Variants in RTKN2 observed in about 807,000 individuals in gnomAD.
The protein encoded by RTKN2 is rhotekin-2.
Under a neutral mutation model 71.5 loss-of-function variants are expected in RTKN2, and 69 were observed. The ratio of observed to expected loss-of-function variants is 0.96; its 90% CI spans 0.79 to 1.18. RTKN2 has a LOEUF of 1.18. Among genes scored for constraint, RTKN2 ranks in the 50% most tolerant of loss-of-function variants. The probability of loss-of-function intolerance (pLI) is 0.00; values close to 1 mark genes in which losing one functional copy is unlikely to be tolerated. For missense variants in RTKN2, 724 were observed against 719.7 expected (o/e 1.01, Z -0.07); for synonymous variants, 236 against 236.5 (o/e 1.00, Z 0.02).
At chr10:62,187,178 C>T (rs1841149442) in intron 8 of RTKN2, among the ~76,000 whole-genome samples, 1 of 151,782 alleles carries the variant, frequency 6.6e-6, no homozygotes, top group Admixed American at 6.6e-5. Context: ...GCACACTATT[C>T]TGATTTCCCA....
chr10:62,205,114 C>T, intron 9 of RTKN2, 92 bp from the exon 10 acceptor site: 3 of 940,104 alleles, frequency 3.2e-6, no homozygotes, highest in Non-Finnish European at 3.2e-6. Flanking sequence ...ATATTTATAC[C>T]TGATGTAACC....
At chr10:62,210,299 T>C (rs1001822282) in intron 9 of RTKN2, among the ~76,000 whole-genome samples, 7 of 152,170 alleles carry the variant, frequency 4.6e-5, no homozygotes, top group South Asian at 2.1e-4. Flanking sequence ...AGTGTGACAA[T>C]TGGAATATTT....
chr10:62,228,379 G>A (rs1447248869), intron 6 of RTKN2, among the ~76,000 whole-genome samples: 1 of 152,140 alleles, frequency 6.6e-6, no homozygotes, highest in Non-Finnish European at 1.5e-5. Flanking sequence ...CCAGGAAGAG[G>A]AACTCCAATA....
intron 3 of RTKN2, among the ~76,000 whole-genome samples, chr10:62,245,172 G>T (rs1398141600): frequency 6.6e-6 from 1 of 152,078 alleles, no homozygotes; most frequent in Non-Finnish European, 1.5e-5. Context: ...GAACACTTTG[G>T]AGAAACTGAG....
At chr10:62,255,882 C>T (rs1292464578) in intron 2 of RTKN2, among the ~76,000 whole-genome samples, 1 of 152,130 alleles carries the variant, frequency 6.6e-6, no homozygotes, top group Non-Finnish European at 1.5e-5. Context: ...TAACTTGAGT[C>T]TGATAAAGCC....
At chr10:62,236,305 T>C (rs1842258482) in intron 5 of RTKN2, 42 bp from the exon 6 acceptor site, 5 of 1,293,744 alleles carry the variant, frequency 3.9e-6, no homozygotes, top group East Asian at 2.4e-5. Context: ...TTTAACTCAG[T>C]AGAAAATAAA....
At chr10:62,190,391 A>G (rs1016932923), downstream of RTKN2, among the ~76,000 whole-genome samples, 1 of 152,156 alleles carries the variant, frequency 6.6e-6, no homozygotes, top group Non-Finnish European at 1.5e-5. Flanking sequence ...TTGTGCCTCC[A>G]ATTACTAATC....
At chr10:62,244,272 T>G (rs1162589387) in intron 3 of RTKN2, among the ~76,000 whole-genome samples, 1 of 152,188 alleles carries the variant, frequency 6.6e-6, no homozygotes, top group Non-Finnish European at 1.5e-5. Context: ...TGAAAAGACA[T>G]TACGTAAGTA....
intron 2 of RTKN2, among the ~76,000 whole-genome samples, chr10:62,247,596 C>T (rs1842502835): frequency 6.6e-6 from 1 of 151,762 alleles, no homozygotes; most frequent in African/African-American, 2.4e-5. Context: ...GAGTGAAGTT[C>T]AACATTTTAT....
At position 62,262,823 on chromosome 10, in the gene RTKN2, TA is replaced by T. The variant is rs750319818; in HGVS notation, c.61-3del. The T allele has an allele frequency of 9.4e-3, 12,290 of 1,302,204 alleles. 1 individual carries two copies. Among genetic ancestry groups the T allele is most frequent in the South Asian group, 0.019 (1,268 of 67,286 alleles). The allele number at this position is 1,302,204 out of a possible 1,614,324, so 80.7% of individuals were successfully genotyped here. On this transcript the variant is annotated splice_polypyrimidine_tract_variant and splice_region_variant and intron_variant, in intron 1 of 11. Transcript: ENST00000373789. ...TATTTTTTCTTGAATGTTGCAGTCC[TA>T]AAAAAAAAATGCATCTTGAAAATAT... is the stretch of plus-strand genomic sequence containing the variant.
chr10:62,229,098 AG>A (rs1230057413), intron 6 of RTKN2, among the ~76,000 whole-genome samples: 6 of 152,236 alleles, frequency 3.9e-5, no homozygotes, highest in Non-Finnish European at 8.8e-5. Context: ...ATTCCTCATG[AG>A]TACGAGTGCA....
At position 62,268,694 on chromosome 10, in the gene RTKN2, C is replaced by A; in HGVS notation, c.-84G>T. On this transcript the variant is annotated 5_prime_UTR_variant, in exon 1 of 12. Transcript: ENST00000373789. ...CGCCCCTGGCAGGAGCCGCAGAGGA[C>A]GCCAACCGCCCGGCCGTACCAAGTC... The A allele has an allele frequency of 7.2e-7, 1 of 1,388,236 alleles. No individual in the cohort carries two copies. The highest frequency in any genetic ancestry group is 2.5e-5 in the East Asian group (1 of 39,246). 86.0% of individuals were successfully genotyped at this position (1,388,236 alleles called of 1,614,324 possible). A position where few individuals can be genotyped will look rare whatever the true frequency, so the allele number is the denominator to read the frequency against.
rs12246453 is a variant in RTKN2 at position 62,196,016 on chromosome 10, T to C, written c.*1892A>G. 1,008 of 984,496 alleles carry C rather than the reference T, an allele frequency of 1.0e-3. 4 individuals are homozygous for C. The African/African-American group carries it at 0.016, about 16-fold the overall frequency. The allele number at this position is 984,496 out of a possible 1,614,324, so 61.0% of individuals were successfully genotyped here. A position where few individuals can be genotyped will look rare whatever the true frequency, so the allele number is the denominator to read the frequency against. ...GAATATAATCTGGAAGTTTTAATAC[T>C]GATTTGTAATAAAGGAAGGCATCAA... On this transcript the variant is annotated 3_prime_UTR_variant, in exon 12 of 12. Transcript: ENST00000373789.
chr10:62,244,865 T>C (rs528935447), intron 3 of RTKN2, among the ~76,000 whole-genome samples: 7 of 152,192 alleles, frequency 4.6e-5, no homozygotes, highest in Non-Finnish European at 7.4e-5. Context: ...ATTTACGTAC[T>C]TTGTAAAATG....
rs569491528 is a variant in RTKN2, at chr10:62,250,412, C to T, written c.258-4355G>A. Among the ~76,000 whole-genome samples the T allele has an allele frequency of 2.0e-5, 3 of 152,270 alleles. No individual in the cohort carries two copies. In the East Asian group the frequency reaches 5.8e-4, roughly 29 times the overall value. ...AGTTTCAAACATTAGTATCAAAGAA[C>T]AGAAAATTAACCAACCAGCATCCCA... On this transcript the variant is annotated intron_variant, in intron 2 of 11. Coordinates refer to ENST00000373789, the MANE Select transcript of RTKN2 (RefSeq NM_145307.4).
rs530967937 is a variant in RTKN2, at chr10:62,213,700, CA to C, written c.1020+3417del. Among the ~76,000 whole-genome samples, 6 of 151,786 alleles carry C rather than the reference CA, an allele frequency of 4.0e-5. No individual in the cohort carries two copies. In the South Asian group the frequency reaches 1.3e-3, roughly 32 times the overall value. The stretch of plus-strand genomic sequence containing the variant: ...TATCATGATATCAAAGTCTTATGTT[CA>C]AATGGGTCATCAAAAAATATAGATT... On this transcript the variant is annotated intron_variant, in intron 9 of 11. Coordinates refer to ENST00000373789, the MANE Select transcript of RTKN2 (RefSeq NM_145307.4).
At chr10:62,201,745 T>A (rs1303204280) in intron 10 of RTKN2, among the ~76,000 whole-genome samples, 3 of 152,202 alleles carry the variant, frequency 2.0e-5, no homozygotes, top group Admixed American at 6.5e-5. Context: ...AAAACTGGAA[T>A]ATAATGCCAC....
chr10:62,224,815 G>A (rs992781569), intron 6 of RTKN2, among the ~76,000 whole-genome samples: 2 of 152,060 alleles, frequency 1.3e-5, no homozygotes, highest in African/African-American at 4.8e-5. Flanking sequence ...TGCAAAGGGA[G>A]GGCTGAAGGA....
In RTKN2 at chr10:62,195,008, G is replaced by A. The variant is rs972267110; in HGVS notation, c.*2900C>T. The A allele has an allele frequency of 4.1e-6, 4 of 985,194 alleles. No individual in the cohort carries two copies. The highest frequency in any genetic ancestry group is 4.8e-6 in the Non-Finnish European group (4 of 829,762). 61.0% of individuals were successfully genotyped at this position (985,194 alleles called of 1,614,324 possible). On this transcript the variant is annotated 3_prime_UTR_variant, in exon 12 of 12. Coordinates refer to ENST00000373789, the MANE Select transcript of RTKN2 (RefSeq NM_145307.4). Reference sequence around the variant, plus strand: ...TTTTGAAAGACTATTTACCTTAGGAGGTGTGCATTTAGAATTTTAAAAATG... The same window carrying A: ...TTTTGAAAGACTATTTACCTTAGGAAGTGTGCATTTAGAATTTTAAAAATG...
Sources: allele counts gnomAD v4.1 joint callset (sites outside exome capture counted in the v4.1 genomes callset), GRCh38; gene constraint gnomAD v4.1.1; transcripts MANE v1.5; gene names NCBI Gene and HGNC (gene_info 2026-07-23, HGNC 2026-07-21).